CSMD3: variants seen among roughly 807,000 people sequenced by gnomAD.
The protein encoded by CSMD3 is CUB and Sushi multiple domains 3, also known as CUB and sushi domain-containing protein 3.
A neutral mutation model predicts 435.2 loss-of-function variants in CSMD3; 177 were observed. The ratio of observed to expected loss-of-function variants is 0.41; its 90% CI spans 0.36 to 0.46. The LOEUF is 0.46. Among genes scored for constraint, CSMD3 ranks in the 20% least tolerant of loss-of-function variants. The pLI is 0.34. For missense variants in CSMD3, 4,265 were observed against 4,504.6 expected, an observed-to-expected ratio of 0.95 and a Z score of 1.52; for synonymous variants, 1,656 against 1,520.5, an observed-to-expected ratio of 1.09 and a Z score of -2.07.
intron 59 of CSMD3, among the ~76,000 whole-genome samples, chr8:112,278,305 A>T (rs1818284630): frequency 6.6e-6 from 1 of 152,088 alleles, no homozygotes. Flanking sequence ...ACACTTTGAG[A>T]TGTGCTGATT....
chr8:112,537,883 C>T (rs1004913840), intron 27 of CSMD3, among the ~76,000 whole-genome samples: 1 of 151,942 alleles, frequency 6.6e-6, no homozygotes, highest in African/African-American at 2.4e-5. Flanking sequence ...TTCTATGAGG[C>T]CAATTTACTC....
intron 9 of CSMD3, among the ~76,000 whole-genome samples, chr8:112,937,923 G>C (rs564554877): frequency 1.3e-5 from 2 of 152,186 alleles, no homozygotes; most frequent in African/African-American, 4.8e-5. Context: ...AATAAATACT[G>C]AGCAGAAAGA....
chr8:113,350,576 A>T (rs183437810), intron 1 of CSMD3, among the ~76,000 whole-genome samples: 48 of 152,202 alleles, frequency 3.2e-4, no homozygotes, highest in African/African-American at 1.1e-3. Context: ...CCTTCTTTTC[A>T]ACCTCCCTAA....
intron 9 of CSMD3, among the ~76,000 whole-genome samples, chr8:112,933,415 C>A (rs963671362): frequency 5.9e-5 from 9 of 152,076 alleles, no homozygotes; most frequent in African/African-American, 2.2e-4. Flanking sequence ...CAAAGTATTA[C>A]AATATACCTT....
chr8:112,573,385 A>G, intron 24 of CSMD3, 116 bp downstream of exon 24: 1 of 926,570 alleles, frequency 1.1e-6, no homozygotes, highest in East Asian at 2.5e-5. Flanking sequence ...ATATGTAGAA[A>G]GGAGCTGTAA....
intron 13 of CSMD3, among the ~76,000 whole-genome samples, chr8:112,744,732 T>C (rs2077389752): frequency 6.6e-6 from 1 of 151,926 alleles, no homozygotes; most frequent in African/African-American, 2.4e-5. Context: ...TCTGGGTGAT[T>C]TAGAGAATGA....
chr8:113,264,112 C>A (rs75504887), intron 3 of CSMD3, among the ~76,000 whole-genome samples: 1,607 of 151,214 alleles, frequency 0.011, 33 homozygotes, highest in African/African-American at 0.036. Context: ...TATTTAGCAT[C>A]AAATAATAGT....
At chr8:112,926,374 G>A (rs1380857633) in intron 9 of CSMD3, among the ~76,000 whole-genome samples, 1 of 152,052 alleles carries the variant, frequency 6.6e-6, no homozygotes, top group Non-Finnish European at 1.5e-5. Context: ...CAGAAGAGAT[G>A]TCTGCCCTAC....
Position 112,654,122 on chromosome 8 carries a change from C to A in CSMD3, c.3004+2032G>T, listed in dbSNP as rs1387184972. Among the ~76,000 whole-genome samples, 7 of 152,202 alleles carry A rather than the reference C, an allele frequency of 4.6e-5. No homozygotes were observed. In the East Asian group the frequency reaches 1.4e-3, roughly 29 times the overall value. ...TAGGATTTTGGTTGCCTGGGGAAGA[C>A]AAATTACTTTCACTTTCAATGAATT... is the stretch of plus-strand genomic sequence containing the variant. On this transcript the variant is annotated intron_variant, in intron 18 of 70. Transcript: ENST00000297405.
At chr8:113,138,668 G>T (rs920267593) in intron 4 of CSMD3, among the ~76,000 whole-genome samples, 2 of 151,210 alleles carry the variant, frequency 1.3e-5, no homozygotes, top group African/African-American at 4.8e-5. Flanking sequence ...TATCGTGATG[G>T]GATTTCAGAT....
intron 11 of CSMD3, among the ~76,000 whole-genome samples, chr8:112,848,269 G>T (rs1299665599): frequency 6.6e-6 from 1 of 152,054 alleles, no homozygotes; most frequent in Non-Finnish European, 1.5e-5. Context: ...GCACAAATAT[G>T]ATTTAATATA....
chr8:112,314,229 A>C (rs557461709), intron 48 of CSMD3, among the ~76,000 whole-genome samples, 177 bp from the exon 49 acceptor site: 38 of 152,254 alleles, frequency 2.5e-4, no homozygotes, highest in African/African-American at 8.4e-4. Flanking sequence ...TTCTATAGCT[A>C]AATGATGTAT....
At chr8:112,816,448 G>A (rs1036176610) in intron 12 of CSMD3, among the ~76,000 whole-genome samples, 3 of 152,014 alleles carry the variant, frequency 2.0e-5, no homozygotes, top group Non-Finnish European at 2.9e-5. Context: ...TTTTCATACC[G>A]TGGCAATTAA....
intron 27 of CSMD3, among the ~76,000 whole-genome samples, chr8:112,549,196 T>C (rs1163658037): frequency 6.6e-6 from 1 of 152,026 alleles, no homozygotes; most frequent in Non-Finnish European, 1.5e-5. Flanking sequence ...ATTGCTAAAC[T>C]ACAATAGAAA....
chr8:112,670,721 C>T (rs2075636824), intron 16 of CSMD3, among the ~76,000 whole-genome samples: 1 of 151,960 alleles, frequency 6.6e-6, no homozygotes, highest in South Asian at 2.1e-4. Flanking sequence ...AAACACGGAA[C>T]AGGGAGGAGT....
chr8:113,209,643 A>C (rs776454224), intron 3 of CSMD3, among the ~76,000 whole-genome samples: 12 of 152,306 alleles, frequency 7.9e-5, no homozygotes, highest in Non-Finnish European at 1.6e-4. Context: ...GAAATACGTG[A>C]GATTTCCGGT....
At chr8:113,176,824 T>A (rs575113306) in intron 3 of CSMD3, among the ~76,000 whole-genome samples, 7 of 151,798 alleles carry the variant, frequency 4.6e-5, no homozygotes, top group African/African-American at 1.7e-4. Flanking sequence ...TGGGTTGTTA[T>A]GTGCAGCAAA....
chr8:112,667,315 T>C (rs575112416), intron 16 of CSMD3, among the ~76,000 whole-genome samples: 1 of 152,278 alleles, frequency 6.6e-6, no homozygotes, highest in East Asian at 1.9e-4. Flanking sequence ...ATCTGTCCAG[T>C]TGCATAAACT....
chr8:112,937,145 T>C (rs888544563), intron 9 of CSMD3, among the ~76,000 whole-genome samples: 6 of 152,128 alleles, frequency 3.9e-5, no homozygotes, highest in South Asian at 2.1e-4. Context: ...ATATTTTAAA[T>C]GTCCTATCAG....
Sources: gnomAD v4.1 joint callset for allele counts (sites outside exome capture counted in the v4.1 genomes callset) on GRCh38, gnomAD v4.1.1 for gene constraint, MANE v1.5 for transcripts, NCBI Gene and HGNC (gene_info 2026-07-23, HGNC 2026-07-21) for gene names.